LRRFIP1: variants seen among roughly 807,000 people sequenced by gnomAD.
LRRFIP1 encodes leucine-rich repeat flightless-interacting protein 1.
Under a neutral mutation model 104.4 loss-of-function variants are expected in LRRFIP1, and 62 were observed. That is an observed-to-expected ratio of 0.59 (90% CI 0.48 to 0.73). LRRFIP1 has a LOEUF of 0.73. Among genes scored for constraint, LRRFIP1 ranks in the 30% least tolerant of loss-of-function variants. The pLI is 0.00. For synonymous variants in LRRFIP1, 300 were observed against 299.0 expected (o/e 1.00, Z -0.03); for missense variants, 796 against 824.5 (o/e 0.97, Z 0.42).
chr2:237,657,190 G>A (rs116053678), intron 1 of LRRFIP1, among the ~76,000 whole-genome samples: 71 of 152,258 alleles, frequency 4.7e-4, no homozygotes, highest in African/African-American at 1.6e-3. Flanking sequence ...AGCCAGGCAG[G>A]GGAGCGAAGA....
intron 16 of LRRFIP1, 34 bp from the exon 17 acceptor site, chr2:237,757,422 C>T (rs762359072): frequency 1.4e-5 from 21 of 1,453,852 alleles, no homozygotes; most frequent in Non-Finnish European, 1.5e-5. Context: ...CCTCTTTAAC[C>T]CTTTATCTGC....
intron 15 of LRRFIP1, among the ~76,000 whole-genome samples, chr2:237,755,191 G>A (rs183531276): frequency 2.0e-4 from 31 of 152,318 alleles, no homozygotes; most frequent in Non-Finnish European, 4.1e-4. Context: ...CAGCAGAGCC[G>A]AGCTGCCAGC....
chr2:237,650,711 G>A (rs1056544553), intron 1 of LRRFIP1, among the ~76,000 whole-genome samples: 42 of 152,264 alleles, frequency 2.8e-4, no homozygotes, highest in African/African-American at 9.6e-4. Context: ...GCCATGGGCT[G>A]CAGAGGTGGA....
chr2:237,756,143 G>T lies in LRRFIP1; in HGVS notation c.1087G>T (p.Ala363Ser), dbSNP rs779001514. The T allele has an allele frequency of 1.2e-6, 2 of 1,613,962 alleles. No individual in the cohort carries two copies. Among genetic ancestry groups the T allele is most frequent in the African/African-American group, 1.3e-5 (1 of 74,924 alleles). The change falls in exon 16 of 24, where the codon GCT becomes TCT. Residue 363 changes from alanine (A) to serine (S), a missense_variant. By Grantham distance (99) the Ala-to-Ser change is moderately conservative. Transcript: ENST00000308482. ...CCACAGTATACTGCAATTTCAGTTT[G>T]CTGAAGTCAAGGAGGCCCTGAAGCA... ...HAHSILQFQF[A>S]EVKEALKQRE...
Position 237,639,761 on chromosome 2 carries a change from A to C in LRRFIP1, c.96+12021A>C, listed in dbSNP as rs554815798. Among the ~76,000 whole-genome samples, 21 of 152,150 alleles carry C rather than the reference A, an allele frequency of 1.4e-4. No homozygotes were observed. In the South Asian group the frequency reaches 4.2e-3, roughly 30 times the overall value. ...TTTTTTCTTTCTTTTGTCTTGTGTT[A>C]GGGTTTCTCAATCTGGGCACTACTG... is the stretch of plus-strand genomic sequence containing the variant. On this transcript the variant is annotated intron_variant, in intron 1 of 23. Transcript: ENST00000308482.
At position 237,701,808 on chromosome 2, in the gene LRRFIP1, G is replaced by T. The variant is rs531100366; in HGVS notation, c.97-6736G>T. ...GCATGCCGTGGGGTCCCTTTGCAAAGCACCTCCTAACATGTGCTTTTATCT... is the reference window on the plus strand; with the variant it reads ...GCATGCCGTGGGGTCCCTTTGCAAATCACCTCCTAACATGTGCTTTTATCT... On this transcript the variant is annotated intron_variant, in intron 1 of 23. Coordinates refer to ENST00000308482, the MANE Select transcript of LRRFIP1 (RefSeq NM_001137550.2). Among the ~76,000 whole-genome samples, 4 of 152,342 alleles carry T rather than the reference G, an allele frequency of 2.6e-5. No homozygotes were observed. The South Asian group carries it at 8.3e-4, about 32-fold the overall frequency.
At chr2:237,655,401 C>T (rs1267710987) in intron 1 of LRRFIP1, among the ~76,000 whole-genome samples, 5 of 151,832 alleles carry the variant, frequency 3.3e-5, no homozygotes, top group Non-Finnish European at 7.4e-5. Context: ...TGAGCCACTG[C>T]ACCCAGCCGT....
chr2:237,740,166 G>A (rs765683916), intron 11 of LRRFIP1, among the ~76,000 whole-genome samples: 13 of 152,016 alleles, frequency 8.6e-5, no homozygotes, highest in Non-Finnish European at 1.5e-4. Flanking sequence ...AGCGTCATGG[G>A]AGGCTGAGGC....
At chr2:237,734,229 C>CGTAAA (rs780590663) in intron 9 of LRRFIP1, among the ~76,000 whole-genome samples, 2 of 143,436 alleles carry the variant, frequency 1.4e-5, no homozygotes, top group African/African-American at 2.8e-5. Flanking sequence ...ATGCAAGAAA[C>CGTAAA]GTAAAGTAAA....
At position 237,748,393 on chromosome 2, in the gene LRRFIP1, T is replaced by C; in HGVS notation, c.663T>C (p.Thr221=). The C allele has an allele frequency of 2.5e-6, 4 of 1,605,188 alleles. No homozygotes were observed. Among genetic ancestry groups the C allele is most frequent in the Non-Finnish European group, 3.4e-6 (4 of 1,177,214 alleles). Reference sequence around the variant, plus strand: ...AAGAGAGACCAGAAAAAGATTTTACTGAGAAGGTAAGGAATCGTTCATAAA... The same window carrying C: ...AAGAGAGACCAGAAAAAGATTTTACCGAGAAGGTAAGGAATCGTTCATAAA... ...VVEERPEKDF[T]EKGSRNMPGL... Residue 221 remains threonine (T), a synonymous_variant, in exon 12 of 24, where the codon ACT becomes ACC. Transcript: ENST00000308482.
rs548419230 is a variant in LRRFIP1, at chr2:237,731,634, A to G, written c.445-2140A>G. Among the ~76,000 whole-genome samples, 91 of 152,346 alleles carry G rather than the reference A, an allele frequency of 6.0e-4. 1 individual carries two copies. Among genetic ancestry groups the G allele is most frequent in the African/African-American group, 2.1e-3 (87 of 41,572 alleles). ...CTGTTGCAGAGGGCACTTAGTCATT[A>G]AGAAAACTTCATTTCCAACTCATTT... On this transcript the variant is annotated intron_variant, in intron 8 of 23. Coordinates refer to ENST00000308482, the MANE Select transcript of LRRFIP1 (RefSeq NM_001137550.2).
At chr2:237,738,146 T>A (rs149377574) in intron 10 of LRRFIP1, among the ~76,000 whole-genome samples, 2,238 of 151,984 alleles carry the variant, frequency 0.015, 24 homozygotes, top group Middle Eastern at 0.068. Flanking sequence ...CCCCTGAAGA[T>A]CTGGATGAGA....
chr2:237,708,240 A>AT (rs1410620732), intron 1 of LRRFIP1, among the ~76,000 whole-genome samples: 1 of 152,142 alleles, frequency 6.6e-6, no homozygotes, highest in Non-Finnish European at 1.5e-5. Flanking sequence ...GTTCCCTCAT[A>AT]TTTAAACTGG....
chr2:237,655,972 G>A (rs900269532), intron 1 of LRRFIP1, among the ~76,000 whole-genome samples: 3 of 152,186 alleles, frequency 2.0e-5, no homozygotes, highest in South Asian at 4.1e-4. Context: ...CCCAGTTTGA[G>A]ATTTATTCAC....
chr2:237,648,615 C>T (rs6737610), intron 1 of LRRFIP1, among the ~76,000 whole-genome samples: 24,358 of 151,574 alleles, frequency 0.16, 3,330 homozygotes, highest in African/African-American at 0.36. Flanking sequence ...GTATTTGTTC[C>T]GTGAACTTGG....
chr2:237,733,790 G>A lies in LRRFIP1; in HGVS notation c.461G>A (p.Ser154Asn). 1 of 1,614,034 alleles carries A rather than the reference G, an allele frequency of 6.2e-7. No individual in the cohort carries two copies. Among genetic ancestry groups the A allele is most frequent in the Non-Finnish European group, 8.5e-7 (1 of 1,179,888 alleles). Residue 154 changes from serine to asparagine, a missense_variant, in exon 9 of 24, where the codon AGC (serine) becomes AAC (asparagine). By Grantham distance (46) the Ser-to-Asn change is conservative. Coordinates refer to ENST00000308482, the MANE Select transcript of LRRFIP1 (RefSeq NM_001137550.2). ...ATCCTCCAGCCCTCCTGTCTGTACAGCGCTGCCCGGCCTTCGGGGAGTTAC... is the reference window on the plus strand; with the variant it reads ...ATCCTCCAGCCCTCCTGTCTGTACAACGCTGCCCGGCCTTCGGGGAGTTAC... ...RRSGRPSCLYSAARPSGSYRA... is the reference protein window; with the variant it reads ...RRSGRPSCLYNAARPSGSYRA...
intron 1 of LRRFIP1, among the ~76,000 whole-genome samples, chr2:237,654,498 A>T (rs996667411): frequency 6.6e-6 from 1 of 152,182 alleles, no homozygotes; most frequent in African/African-American, 2.4e-5. Flanking sequence ...TGATACAGTG[A>T]TCCCACTTCT....
At position 237,665,080 on chromosome 2, in the gene LRRFIP1, A is replaced by T. The variant is rs538371823; in HGVS notation, c.96+37340A>T. On this transcript the variant is annotated intron_variant, in intron 1 of 23. Transcript: ENST00000308482. Reference sequence around the variant, plus strand: ...AGAATACTTATAATTTTACTTATTCATGAAAGCATTTAAATAAGCTTCTTA... The same window carrying T: ...AGAATACTTATAATTTTACTTATTCTTGAAAGCATTTAAATAAGCTTCTTA... 7.9e-5 allele frequency among the ~76,000 whole-genome samples: 12 copies of T among 152,336 alleles called. No homozygotes were observed. The South Asian group carries it at 2.5e-3, about 32-fold the overall frequency.
chr2:237,692,645 G>C, intron 1 of LRRFIP1: 1 of 1,268,978 alleles, frequency 7.9e-7, no homozygotes. Context: ...GCTCTGGCGG[G>C]ACCCCAGCGC....
Sources: allele counts gnomAD v4.1 joint callset (sites outside exome capture counted in the v4.1 genomes callset), GRCh38; gene constraint gnomAD v4.1.1; transcripts MANE v1.5; gene names NCBI Gene and HGNC (gene_info 2026-07-23, HGNC 2026-07-21).